ZNF804B: variants seen among roughly 807,000 people sequenced by gnomAD.
ZNF804B encodes the protein zinc finger 804B.
A neutral mutation model predicts 101.4 loss-of-function variants in ZNF804B; 80 were observed. The observed-to-expected ratio is 0.79, with a 90% CI of 0.66 to 0.95. ZNF804B has a LOEUF of 0.95. Ranked by LOEUF, ZNF804B falls within the 40% of genes least tolerant of loss-of-function variation. ZNF804B has a pLI of 0.00. For missense variants in ZNF804B, 1,673 were observed against 1,561.9 expected, an observed-to-expected ratio of 1.07 and a Z score of -1.20; for synonymous variants, 622 against 558.8, an observed-to-expected ratio of 1.11 and a Z score of -1.59.
chr7:89,253,696 G>A (rs1789577669), intron 2 of ZNF804B, among the ~76,000 whole-genome samples: 1 of 151,664 alleles, frequency 6.6e-6, no homozygotes, highest in African/African-American at 2.4e-5. Context: ...AAAGAAAGAC[G>A]ACAGAAACAG....
At chr7:89,134,822 T>G (rs75100951) in intron 1 of ZNF804B, among the ~76,000 whole-genome samples, 5 of 91,584 alleles carry the variant, frequency 5.5e-5, no homozygotes, top group African/African-American at 6.4e-5. Context: ...AAACATCCTG[T>G]TTTTTTTTTA....
At chr7:88,775,585 A>G (rs1790129556) in intron 1 of ZNF804B, among the ~76,000 whole-genome samples, 1 of 152,210 alleles carries the variant, frequency 6.6e-6, no homozygotes, top group South Asian at 2.1e-4. Flanking sequence ...AAAATCAGAA[A>G]TAATTTATAA....
At chr7:88,811,781 A>G (rs1347481714) in intron 1 of ZNF804B, among the ~76,000 whole-genome samples, 3 of 152,186 alleles carry the variant, frequency 2.0e-5, no homozygotes, top group Admixed American at 6.5e-5. Context: ...ATGAGAACAT[A>G]TAGACATAGG....
intron 1 of ZNF804B, among the ~76,000 whole-genome samples, chr7:89,151,067 T>C (rs2116405087): frequency 6.6e-6 from 1 of 152,194 alleles, no homozygotes; most frequent in East Asian, 1.9e-4. Flanking sequence ...TAGTAGGTGC[T>C]TTAGAAAGGA....
chr7:89,261,311 A>G (rs1445417389), intron 2 of ZNF804B, among the ~76,000 whole-genome samples: 2 of 152,152 alleles, frequency 1.3e-5, no homozygotes, highest in African/African-American at 4.8e-5. Flanking sequence ...GATAAAGCAG[A>G]CTAGTATATA....
In ZNF804B at chr7:89,027,180, A is replaced by G. The variant is rs547607487; in HGVS notation, c.109-190975A>G. 3.9e-5 allele frequency among the ~76,000 whole-genome samples: 6 copies of G among 152,234 alleles called. No homozygotes were observed. The South Asian group carries it at 1.2e-3, about 32-fold the overall frequency. ...TATCCACTGGATTGTATAAAAAGCA[A>G]ATCATTTTTTACATGCAAGATAATG... On this transcript the variant is annotated intron_variant, in intron 1 of 3. Transcript: ENST00000333190.
At chr7:89,015,505 G>C (rs1788536453) in intron 1 of ZNF804B, among the ~76,000 whole-genome samples, 1 of 148,500 alleles carries the variant, frequency 6.7e-6, no homozygotes. Context: ...CCCCACAACA[G>C]TCCCCAGAGT....
At chr7:88,763,381 A>G (rs1278281159) in intron 1 of ZNF804B, among the ~76,000 whole-genome samples, 3 of 152,136 alleles carry the variant, frequency 2.0e-5, no homozygotes, top group Non-Finnish European at 4.4e-5. Context: ...CCCAGAGTGA[A>G]ATTCAGCTTC....
chr7:89,181,155 G>A (rs1442854132), intron 1 of ZNF804B, among the ~76,000 whole-genome samples: 1 of 151,890 alleles, frequency 6.6e-6, no homozygotes. Context: ...ACTATCTAGG[G>A]TTGGGGATGG....
At chr7:89,163,397 C>A (rs1199226267) in intron 1 of ZNF804B, among the ~76,000 whole-genome samples, 3 of 152,024 alleles carry the variant, frequency 2.0e-5, no homozygotes, top group Non-Finnish European at 4.4e-5. Context: ...TTCCTTTCTT[C>A]TTTTGATTTT....
intron 1 of ZNF804B, among the ~76,000 whole-genome samples, chr7:88,791,256 G>C (rs997092573): frequency 1.3e-5 from 2 of 152,052 alleles, no homozygotes; most frequent in East Asian, 3.9e-4. Flanking sequence ...CAATGGTGTT[G>C]CTACCTGGAC....
intron 1 of ZNF804B, among the ~76,000 whole-genome samples, chr7:88,953,146 G>C (rs1793250354): frequency 6.6e-6 from 1 of 151,604 alleles, no homozygotes; most frequent in Non-Finnish European, 1.5e-5. Flanking sequence ...GAAACTTATG[G>C]AGACCTAAAG....
At position 89,172,042 on chromosome 7, in the gene ZNF804B, T is replaced by C. The variant is rs189303424; in HGVS notation, c.109-46113T>C. ...AAAGTAAGGGGTGACTGGCAAAAGATGTCATGGTCTCATCAAACCCTGTAG... is the reference window on the plus strand; with the variant it reads ...AAAGTAAGGGGTGACTGGCAAAAGACGTCATGGTCTCATCAAACCCTGTAG... On this transcript the variant is annotated intron_variant, in intron 1 of 3. Coordinates refer to ENST00000333190, the MANE Select transcript of ZNF804B (RefSeq NM_181646.5). Among the ~76,000 whole-genome samples, 1,126 of 152,194 alleles carry C rather than the reference T, an allele frequency of 7.4e-3. 17 individuals carry two copies. Among genetic ancestry groups the C allele is most frequent in the Non-Finnish European group, 7.7e-3 (524 of 68,010 alleles).
chr7:89,081,696 C>A (rs1789700709), intron 1 of ZNF804B, among the ~76,000 whole-genome samples: 1 of 151,682 alleles, frequency 6.6e-6, no homozygotes, highest in Non-Finnish European at 1.5e-5. Context: ...TTTTCTTACA[C>A]CCCTTCACTA....
chr7:89,183,670 C>T (rs936198341), intron 1 of ZNF804B, among the ~76,000 whole-genome samples: 1 of 152,080 alleles, frequency 6.6e-6, no homozygotes, highest in African/African-American at 2.4e-5. Context: ...TTTTAATTTT[C>T]AAATAATACC....
At chr7:88,816,457 G>A (rs1208109844) in intron 1 of ZNF804B, among the ~76,000 whole-genome samples, 1 of 152,122 alleles carries the variant, frequency 6.6e-6, no homozygotes, top group African/African-American at 2.4e-5. Flanking sequence ...CCTACAGAAT[G>A]GGAGAACATT....
chr7:88,795,870 A>G (rs1382806982), intron 1 of ZNF804B: 1 of 152,150 alleles, frequency 6.6e-6, no homozygotes, highest in Non-Finnish European at 1.5e-5. Flanking sequence ...AGGAAGTGTG[A>G]ATGGCTTATT....
At chr7:89,257,330 T>C (rs1162838847) in intron 2 of ZNF804B, among the ~76,000 whole-genome samples, 1 of 152,166 alleles carries the variant, frequency 6.6e-6, no homozygotes, top group Non-Finnish European at 1.5e-5. Flanking sequence ...TGCATGGTTG[T>C]TCCTTCATAA....
At chr7:88,798,097 T>A (rs563393149) in intron 1 of ZNF804B, among the ~76,000 whole-genome samples, 1 of 152,188 alleles carries the variant, frequency 6.6e-6, no homozygotes, top group African/African-American at 2.4e-5. Flanking sequence ...TATCAGAACC[T>A]TGATGGCTTC....
Sources: allele counts gnomAD v4.1 joint callset (sites outside exome capture counted in the v4.1 genomes callset), GRCh38; gene constraint gnomAD v4.1.1; transcripts MANE v1.5; gene names NCBI Gene and HGNC (gene_info 2026-07-23, HGNC 2026-07-21).